The following C1orf87 variants were observed in gnomAD, a reference collection of about 807,000 sequenced individuals.
The protein encoded by C1orf87 is chromosome 1 open reading frame 87.
A neutral mutation model predicts 60.5 loss-of-function variants in C1orf87; 58 were observed. That is an observed-to-expected ratio of 0.96 (90% CI 0.78 to 1.19). The LOEUF (loss-of-function observed/expected upper bound fraction) is 1.19, where lower values mean the gene tolerates loss of function less well. Ranked by LOEUF, C1orf87 falls within the 50% of genes most tolerant of loss-of-function variation. C1orf87 has a pLI of 0.00. For missense variants in C1orf87, 673 were observed against 638.6 expected, an observed-to-expected ratio of 1.05 and a Z score of -0.58; for synonymous variants, 236 against 227.4, an observed-to-expected ratio of 1.04 and a Z score of -0.34.
chr1:60,005,871 G>A (rs1645041642), intron 9 of C1orf87, among the ~76,000 whole-genome samples: 1 of 141,054 alleles, frequency 7.1e-6, no homozygotes, highest in African/African-American at 2.7e-5. Flanking sequence ...CAGCAACTAT[G>A]TTTTGCTTTG....
chr1:60,046,654 C>T (rs61803771), intron 3 of C1orf87, among the ~76,000 whole-genome samples: 8,717 of 151,880 alleles, frequency 0.057, 326 homozygotes, highest in South Asian at 0.11. Flanking sequence ...CCCAGAGTGG[C>T]CTTGAACTCC....
At chr1:60,003,526 G>A (rs541722216) in intron 9 of C1orf87, among the ~76,000 whole-genome samples, 9 of 152,130 alleles carry the variant, frequency 5.9e-5, no homozygotes, top group African/African-American at 1.2e-4. Context: ...GAAACACAGC[G>A]ACTGTTCAGT....
chr1:60,040,224 C>A, intron 4 of C1orf87, 44 bp from the exon 5 acceptor site: 6 of 1,572,558 alleles, frequency 3.8e-6, no homozygotes, highest in Non-Finnish European at 4.3e-6. Flanking sequence ...CTTCAATCAG[C>A]CGGCTAAAGA....
intron 2 of C1orf87, among the ~76,000 whole-genome samples, 178 bp downstream of exon 2, chr1:60,072,359 A>G (rs1332937492): frequency 1.3e-5 from 2 of 152,204 alleles, no homozygotes; most frequent in Non-Finnish European, 2.9e-5. Flanking sequence ...AAGATGAAAA[A>G]TATCAGGAAA....
intron 8 of C1orf87, among the ~76,000 whole-genome samples, chr1:60,020,513 T>C (rs1272848935): frequency 6.6e-6 from 1 of 152,186 alleles, no homozygotes; most frequent in Non-Finnish European, 1.5e-5. Context: ...ATGTGAGACA[T>C]AGAATCAAAA....
chr1:60,017,852 A>C (rs114613424), intron 8 of C1orf87, among the ~76,000 whole-genome samples: 1,931 of 152,320 alleles, frequency 0.013, 28 homozygotes, highest in African/African-American at 0.044. Context: ...TGGCAAAAAA[A>C]CAAATCTCAA....
At chr1:60,064,840 T>A (rs865941936) in intron 2 of C1orf87, among the ~76,000 whole-genome samples, 32 of 89,278 alleles carry the variant, frequency 3.6e-4, no homozygotes, top group African/African-American at 1.5e-3. Flanking sequence ...AAATATATAA[T>A]TATATATTTA....
intron 10 of C1orf87, 143 bp downstream of exon 10, chr1:60,000,934 G>A: frequency 1.5e-6 from 1 of 651,654 alleles, no homozygotes; most frequent in Non-Finnish European, 2.6e-6. Context: ...TGCCCAAGGA[G>A]AGTCTTGAAG....
intron 8 of C1orf87, among the ~76,000 whole-genome samples, chr1:60,016,612 C>T (rs937808245): frequency 1.3e-5 from 2 of 152,120 alleles, no homozygotes; most frequent in Non-Finnish European, 2.9e-5. Flanking sequence ...TGTTACTTAT[C>T]CAGGCTCCAA....
intron 8 of C1orf87, among the ~76,000 whole-genome samples, chr1:60,014,557 T>A (rs1303092459): frequency 6.6e-6 from 1 of 152,090 alleles, no homozygotes; most frequent in Non-Finnish European, 1.5e-5. Flanking sequence ...CAAACAAACC[T>A]AAAGCACTAA....
At chr1:60,052,592 G>A (rs994848468) in intron 3 of C1orf87, among the ~76,000 whole-genome samples, 1 of 152,098 alleles carries the variant, frequency 6.6e-6, no homozygotes, top group African/African-American at 2.4e-5. Flanking sequence ...GAGACTCTTC[G>A]AACTTACTCT....
intron 11 of C1orf87, among the ~76,000 whole-genome samples, chr1:59,995,142 A>G (rs1038091182): frequency 1.3e-5 from 2 of 152,370 alleles, no homozygotes; most frequent in African/African-American, 4.8e-5. Flanking sequence ...GTTCAGAAGC[A>G]TGAGAAATCT....
Position 60,025,311 on chromosome 1 carries a change from A to T in C1orf87, c.1127+90T>A, listed in dbSNP as rs1481079356. The stretch of plus-strand genomic sequence containing the variant: ...TCACCTCCCAAACCAGTCTCCAAAA[A>T]CCATCATATTTGAAGTTAAAGCTTC... On this transcript the variant is annotated intron_variant, in intron 8 of 11. Transcript: ENST00000371201. 5 of 1,049,214 alleles carry T rather than the reference A, an allele frequency of 4.8e-6. No homozygotes were observed. The Admixed American group carries it at 8.2e-5, about 17-fold the overall frequency. 65.0% of individuals were successfully genotyped at this position (1,049,214 alleles called of 1,614,324 possible). A position where few individuals can be genotyped will look rare whatever the true frequency, so the allele number is the denominator to read the frequency against.
At chr1:60,058,749 A>C (rs976871427) in intron 2 of C1orf87, among the ~76,000 whole-genome samples, 41 of 152,164 alleles carry the variant, frequency 2.7e-4, no homozygotes, top group Non-Finnish European at 1.9e-4. Context: ...ACTTCATTGC[A>C]CAGACTCAGA....
At chr1:60,028,797 T>C (rs373219013) in intron 7 of C1orf87, among the ~76,000 whole-genome samples, 1 of 152,166 alleles carries the variant, frequency 6.6e-6, no homozygotes. Context: ...GCATGAGACA[T>C]GGCCGATCAT....
At chr1:60,041,203 A>G in intron 3 of C1orf87, 72 bp from the exon 4 acceptor site, 2 of 1,343,376 alleles carry the variant, frequency 1.5e-6, no homozygotes, top group South Asian at 3.6e-5. Flanking sequence ...GAAAGAATGG[A>G]GAAAATGAGT....
At chr1:60,001,530 A>G (rs755346921) in intron 9 of C1orf87, among the ~76,000 whole-genome samples, 13 of 152,192 alleles carry the variant, frequency 8.5e-5, no homozygotes, top group Admixed American at 2.0e-4. Context: ...GATTGGTTTT[A>G]GTTGTGTTTG....
rs1645075703 is a variant in C1orf87 at position 60,010,464 on chromosome 1, A to T, written c.1128-8T>A. Reference sequence around the variant, plus strand: ...TCAACAAAATTCTGCCATCTGTGCAAGAAAAGGAAACATAAATTGGTGATC... The same window carrying T: ...TCAACAAAATTCTGCCATCTGTGCATGAAAAGGAAACATAAATTGGTGATC... On this transcript the variant is annotated splice_region_variant and splice_polypyrimidine_tract_variant and intron_variant, in intron 8 of 11. Transcript: ENST00000371201. The T allele has an allele frequency of 5.6e-6, 9 of 1,611,270 alleles. No individual in the cohort carries two copies. The highest frequency in any genetic ancestry group is 7.6e-6 in the Non-Finnish European group (9 of 1,177,872).
At chr1:60,035,331 A>C (rs750585398) in intron 6 of C1orf87, among the ~76,000 whole-genome samples, 10 of 152,202 alleles carry the variant, frequency 6.6e-5, no homozygotes, top group South Asian at 2.1e-4. Context: ...TGAGTACTGG[A>C]TGGGCAGGTG....
Sources: allele counts gnomAD v4.1 joint callset (sites outside exome capture counted in the v4.1 genomes callset), GRCh38; gene constraint gnomAD v4.1.1; transcripts MANE v1.5; gene names NCBI Gene and HGNC (gene_info 2026-07-23, HGNC 2026-07-21).